UBAP2: variants seen among roughly 807,000 people sequenced by gnomAD.
UBAP2 encodes the protein ubiquitin associated protein 2.
Under a neutral mutation model 139.6 loss-of-function variants are expected in UBAP2, and 75 were observed. That is an observed-to-expected ratio of 0.54 (90% CI 0.45 to 0.65). UBAP2 has a LOEUF of 0.65. Among genes scored for constraint, UBAP2 ranks in the 30% least tolerant of loss-of-function variants. The pLI, the probability that UBAP2 is intolerant of heterozygous loss-of-function variation, is 0.00. For synonymous variants in UBAP2, 526 were observed against 526.2 expected (o/e 1.00, Z 0.01); for missense variants, 1,368 against 1,369.6 (o/e 1.00, Z 0.02).
chr9:33,966,980 A>C (rs1029303103), intron 8 of UBAP2, among the ~76,000 whole-genome samples: 1 of 152,208 alleles, frequency 6.6e-6, no homozygotes, highest in Admixed American at 6.5e-5. Context: ...AGTAAAAACT[A>C]AATGTCACAA....
intron 17 of UBAP2, among the ~76,000 whole-genome samples, chr9:33,933,840 G>A (rs972288797): frequency 6.6e-6 from 1 of 152,138 alleles, no homozygotes; most frequent in African/African-American, 2.4e-5. Flanking sequence ...ATGGTCAGCT[G>A]TTCAAGATGC....
intron 1 of UBAP2, among the ~76,000 whole-genome samples, chr9:34,026,126 T>C (rs1022457411): frequency 9.2e-5 from 14 of 152,240 alleles, no homozygotes; most frequent in Non-Finnish European, 1.3e-4. Context: ...CATTTTATCA[T>C]TCTGAAAAGT....
intron 6 of UBAP2, among the ~76,000 whole-genome samples, chr9:33,982,989 C>T (rs1294021911): frequency 2.0e-5 from 3 of 151,520 alleles, no homozygotes; most frequent in African/African-American, 7.3e-5. Context: ...AAGCAATTCT[C>T]TGCCCCGGCC....
Position 33,986,853 on chromosome 9 carries a change from C to T in UBAP2, c.443-16G>A, listed in dbSNP as rs201348462. 25 of 1,610,984 alleles carry T rather than the reference C, an allele frequency of 1.6e-5. 1 individual carries two copies. The East Asian group carries it at 2.7e-4, about 17-fold the overall frequency. On this transcript the variant is annotated splice_polypyrimidine_tract_variant and intron_variant, in intron 5 of 28. Coordinates refer to ENST00000379238, the MANE Select transcript of UBAP2 (RefSeq NM_001370062.2). ...TCACCTCTAACTAGGGGGAAAAGAG[C>T]AGAAAAATCAAATTTCCATTTCCAA...
At chr9:33,959,826 A>G (rs1385961175) in intron 10 of UBAP2, among the ~76,000 whole-genome samples, 1 of 152,206 alleles carries the variant, frequency 6.6e-6, no homozygotes, top group Admixed American at 6.5e-5. Context: ...TAATGAAAAT[A>G]TTCTAAAGAA....
At chr9:33,988,822 A>T in intron 5 of UBAP2, 151 bp downstream of exon 5, 1 of 813,126 alleles carries the variant, frequency 1.2e-6, no homozygotes, top group Non-Finnish European at 2.0e-6. Flanking sequence ...CTAATCTTTC[A>T]GTCGTTCAGA....
rs751903264 is a variant in UBAP2, at chr9:33,943,462, T to C, written c.1673A>G (p.Asn558Ser). The change falls in exon 15 of 29, where the codon AAT becomes AGT. Residue 558 changes from asparagine (N) to serine (S), a missense_variant. Transcript: ENST00000379238. ...SEFGSAPSSE[N>S]SNQIPISLYS... is the part of the protein sequence containing the mutation. ...CAAGCTGATGGGAATCTGATTACTA[T>C]TTTCACTGCTTGGAGCTGATCCAAA... The C allele has an allele frequency of 1.2e-6, 2 of 1,614,226 alleles. No individual in the cohort carries two copies. The highest frequency in any genetic ancestry group is 2.2e-5 in the East Asian group (1 of 44,888).
chr9:34,029,575 C>T (rs1825710505), intron 1 of UBAP2, among the ~76,000 whole-genome samples: 1 of 151,818 alleles, frequency 6.6e-6, no homozygotes, highest in African/African-American at 2.4e-5. Context: ...GTGGTTCACA[C>T]CTGTAATCCC....
intron 22 of UBAP2, among the ~76,000 whole-genome samples, chr9:33,924,753 G>T (rs1365723663): frequency 6.6e-6 from 1 of 152,190 alleles, no homozygotes; most frequent in Non-Finnish European, 1.5e-5. Flanking sequence ...AGGACCCCAG[G>T]TGAAGCCCAG....
At position 34,035,514 on chromosome 9, in the gene UBAP2, A is replaced by AAAAAATATAT; in HGVS notation, c.-42+13310_-42+13311insATATATTTTT. Among the ~76,000 whole-genome samples the AAAAAATATAT allele has an allele frequency of 2.1e-3, 47 of 22,496 alleles. 4 individuals carry two copies. The highest frequency in any genetic ancestry group is 8.7e-3 in the South Asian group (9 of 1,032). 14.8% of individuals were successfully genotyped at this position (22,496 alleles called of 152,430 possible). On this transcript the variant is annotated intron_variant, in intron 1 of 28. Coordinates refer to ENST00000379238, the MANE Select transcript of UBAP2 (RefSeq NM_001370062.2). ...GAGACTCCATCTAAAAAAAAAAAAAAATATATATATATAAAGATTAGCCAG... is the reference window on the plus strand; with the variant it reads ...GAGACTCCATCTAAAAAAAAAAAAAAAAAAATATATATATATATATATAAAGATTAGCCAG...
chr9:34,039,896 C>T (rs1269827701), intron 1 of UBAP2, among the ~76,000 whole-genome samples: 1 of 148,640 alleles, frequency 6.7e-6, no homozygotes, highest in Non-Finnish European at 1.5e-5. Flanking sequence ...CGGTGGCTCA[C>T]GTCTGTAATC....
chr9:33,948,924 T>TGGATTACAAGGTCAGGC (rs1399490732), intron 12 of UBAP2: 1 of 215,678 alleles, frequency 4.6e-6, no homozygotes, highest in African/African-American at 2.3e-5. Context: ...CCAAGGTAGG[T>TGGATTACAAGGTCAGGC]GGATTACAAG....
At chr9:33,959,315 T>G (rs749817638) in intron 10 of UBAP2, among the ~76,000 whole-genome samples, 1 of 152,180 alleles carries the variant, frequency 6.6e-6, no homozygotes, top group African/African-American at 2.4e-5. Flanking sequence ...ACAAGTCAAG[T>G]AGAAATCATG....
At position 33,984,672 on chromosome 9, in the gene UBAP2, T is replaced by G. The variant is rs150153562; in HGVS notation, c.520+2088A>C. 8.4e-3 allele frequency among the ~76,000 whole-genome samples: 1,248 copies of G among 148,830 alleles called. 13 individuals carry two copies. The highest frequency in any genetic ancestry group is 0.029 in the African/African-American group (1,145 of 39,546). On this transcript the variant is annotated intron_variant, in intron 6 of 28. Coordinates refer to ENST00000379238, the MANE Select transcript of UBAP2 (RefSeq NM_001370062.2). ...CAGCCTGGGCAACAGAGTGAGACAC[T>G]GTCTCTTAAGAGAAAAAAAAACAGT...
intron 12 of UBAP2, among the ~76,000 whole-genome samples, chr9:33,949,204 A>C (rs1825892711): frequency 6.6e-6 from 1 of 151,868 alleles, no homozygotes; most frequent in Non-Finnish European, 1.5e-5. Context: ...ATAAAATAAA[A>C]TAATAAAAAG....
In UBAP2 at chr9:33,922,350, T is replaced by G; in HGVS notation, c.*154A>C. ...CAAATACATACATAAATACATTACA[T>G]ACAGTAGCCAGTCTGGGAGGCAGAC... On this transcript the variant is annotated 3_prime_UTR_variant, in exon 29 of 29. Coordinates refer to ENST00000379238, the MANE Select transcript of UBAP2 (RefSeq NM_001370062.2). The G allele has an allele frequency of 2.8e-6, 2 of 725,056 alleles. No homozygotes were observed. The highest frequency in any genetic ancestry group is 5.4e-5 in the East Asian group (2 of 37,088). The allele number at this position is 725,056 out of a possible 1,614,324, so 44.9% of individuals were successfully genotyped here.
chr9:33,942,568 A>T (rs1469214792), intron 15 of UBAP2, among the ~76,000 whole-genome samples: 2 of 151,918 alleles, frequency 1.3e-5, no homozygotes, highest in African/African-American at 4.8e-5. Flanking sequence ...TCTCTACAAA[A>T]CATATTTAAA....
intron 4 of UBAP2, chr9:33,995,406 A>ATT (rs1047658593): frequency 7.3e-6 from 1 of 136,062 alleles, no homozygotes; most frequent in Non-Finnish European, 1.5e-5. Flanking sequence ...ATATATATAT[A>ATT]AAGTATATAT....
chr9:33,989,177 T>C, intron 4 of UBAP2, 51 bp from the exon 5 acceptor site: 1 of 1,532,056 alleles, frequency 6.5e-7, no homozygotes, highest in Non-Finnish European at 8.7e-7. Context: ...TGTGTACAAT[T>C]ATCAAAGGCA....
Sources: gnomAD v4.1 joint callset for allele counts (sites outside exome capture counted in the v4.1 genomes callset) on GRCh38, gnomAD v4.1.1 for gene constraint, MANE v1.5 for transcripts, NCBI Gene and HGNC (gene_info 2026-07-23, HGNC 2026-07-21) for gene names.